Variants in WNT5A observed in about 807,000 individuals in gnomAD.
WNT5A encodes Wnt family member 5A, also known as protein Wnt-5a.
In WNT5A, 9 loss-of-function variants were observed where a neutral mutation model predicts 42.1. The ratio of observed to expected loss-of-function variants is 0.21; its 90% CI spans 0.13 to 0.37. The LOEUF (loss-of-function observed/expected upper bound fraction) is 0.37, where lower values mean the gene tolerates loss of function less well. Among genes scored for constraint, WNT5A ranks in the 10% least tolerant of loss-of-function variants. The pLI, the probability that WNT5A is intolerant of heterozygous loss-of-function variation, is 1.00. For missense variants in WNT5A, 426 were observed against 534.0 expected (o/e 0.80, Z 1.99); for synonymous variants, 210 against 210.0 (o/e 1.00, Z 0.00).
At chr3:55,474,015 C>T (rs2051300270) in intron 4 of WNT5A, among the ~76,000 whole-genome samples, 1 of 152,002 alleles carries the variant, frequency 6.6e-6, no homozygotes, top group Non-Finnish European at 1.5e-5. Flanking sequence ...CCCAGGAGGC[C>T]CTTCTGGGAT....
the WNT5A span, among the ~76,000 whole-genome samples, chr3:55,504,527 G>A: frequency 6.6e-6 from 1 of 150,826 alleles, no homozygotes; most frequent in Non-Finnish European, 1.5e-5. Flanking sequence ...TCAATGGCGC[G>A]ATATCGGCTC....
rs1485651707 is a variant in WNT5A at position 55,470,456 on chromosome 3, C to A, written c.779G>T (p.Arg260Leu). ...CTCCTTCAGGGCATCACCCACCTTG[C>A]GGAAGTCTGCCAGCTGCAGCCAGCA... ...KTCWLQLADFRKVGDALKEKY... is the reference protein window; with the variant it reads ...KTCWLQLADFLKVGDALKEKY... The change falls in exon 5 of 5, where the codon CGC (arginine) becomes CTC (leucine). Residue 260 changes from arginine to leucine, a missense_variant. Transcript: ENST00000264634. The A allele has an allele frequency of 3.7e-6, 6 of 1,610,090 alleles. No homozygotes were observed. Among genetic ancestry groups the A allele is most frequent in the Non-Finnish European group, 5.1e-6 (6 of 1,178,076 alleles).
rs148144683 is a variant in WNT5A at position 55,467,264 on chromosome 3, T to C, written c.*2828A>G. The C allele has an allele frequency of 6.5e-6, 1 of 152,704 alleles. No homozygotes were observed. Among genetic ancestry groups the C allele is most frequent in the East Asian group, 1.9e-4 (1 of 5,170 alleles). 9.5% of individuals were successfully genotyped at this position (152,704 alleles called of 1,614,324 possible). ...TGTGCCTTTTCATTCTTCTCTGGGA[T>C]GTTACAACAGCAACACGCTCTAAAA... On this transcript the variant is annotated 3_prime_UTR_variant, in exon 5 of 5. Coordinates refer to ENST00000264634, the MANE Select transcript of WNT5A (RefSeq NM_003392.7).
the WNT5A span, among the ~76,000 whole-genome samples, chr3:55,496,759 G>A: frequency 3.9e-5 from 6 of 152,100 alleles, no homozygotes; most frequent in African/African-American, 1.4e-4. Flanking sequence ...TTTGAAAATG[G>A]GATTCCATCC....
upstream of WNT5A, among the ~76,000 whole-genome samples, chr3:55,492,504 T>C (rs536538829): frequency 6.6e-6 from 1 of 152,344 alleles, no homozygotes; most frequent in South Asian, 2.1e-4. Flanking sequence ...ACTGTGATTA[T>C]TTCTGCACTG....
rs917106799 is a variant in WNT5A, at chr3:55,467,052, T to C, written c.*3040A>G. 4.5e-4 allele frequency: 68 copies of C among 152,218 alleles called. No homozygotes were observed. The highest frequency in any genetic ancestry group is 1.6e-3 in the African/African-American group (67 of 41,462). The allele number at this position is 152,218 out of a possible 1,614,324, so 9.4% of individuals were successfully genotyped here. A position where few individuals can be genotyped will look rare whatever the true frequency, so the allele number is the denominator to read the frequency against. On this transcript the variant is annotated 3_prime_UTR_variant, in exon 5 of 5. Coordinates refer to ENST00000264634, the MANE Select transcript of WNT5A (RefSeq NM_003392.7). ...AATTGCACTTAACACAATGAACCTT[T>C]AGTTTCCAACCAGTTTTCATTCTCT...
chr3:55,485,468 AC>A (rs1231081513), intron 1 of WNT5A, among the ~76,000 whole-genome samples: 1 of 151,888 alleles, frequency 6.6e-6, no homozygotes, highest in Non-Finnish European at 1.5e-5. Context: ...TACGTCCTGG[AC>A]CCGAGAACAA....
upstream of WNT5A, among the ~76,000 whole-genome samples, chr3:55,488,653 C>T (rs967158485): frequency 2.9e-4 from 44 of 152,036 alleles, no homozygotes; most frequent in African/African-American, 7.0e-4. Flanking sequence ...GTTCCCCATC[C>T]CCCGCGGCAT....
At chr3:55,488,741 G>C (rs506611), upstream of WNT5A, among the ~76,000 whole-genome samples, 33,615 of 152,032 alleles carry the variant, frequency 0.22, 4,086 homozygotes, top group African/African-American at 0.31. Flanking sequence ...CAGAGCCACC[G>C]ACCGGCGGGA....
Position 55,473,032 on chromosome 3 carries a change from A to T in WNT5A, c.684+1305T>A, listed in dbSNP as rs115707539. Among the ~76,000 whole-genome samples the T allele has an allele frequency of 1.7e-3, 254 of 152,336 alleles. 1 individual carries two copies. The highest frequency in any genetic ancestry group is 5.7e-3 in the African/African-American group (237 of 41,574). On this transcript the variant is annotated intron_variant, in intron 4 of 4. Transcript: ENST00000264634. ...TGTGGAAATGGGAAAACTGAGGCTC[A>T]GAAAAAGCAAAGAACAGACAACACT... is the stretch of plus-strand genomic sequence containing the variant.
chr3:55,487,382 G>T (rs1413518777), upstream of WNT5A: 1 of 254,638 alleles, frequency 3.9e-6, no homozygotes, highest in Non-Finnish European at 7.4e-6. Context: ...AAATGTGGGC[G>T]TGATTGTGCA....
At chr3:55,486,931 G>A (rs199843039) in intron 1 of WNT5A, 49 bp downstream of exon 1, 3 of 1,475,948 alleles carry the variant, frequency 2.0e-6, no homozygotes, top group Non-Finnish European at 1.9e-6. Context: ...CTTCCAACAG[G>A]GGGTGGGGGG....
chr3:55,479,485 C>G lies in WNT5A; in HGVS notation c.220G>C (p.Gly74Arg), dbSNP rs1218199102. 6.2e-7 allele frequency: 1 copy of G among 1,614,012 alleles called. No individual in the cohort carries two copies. The highest frequency in any genetic ancestry group is 1.1e-5 in the South Asian group (1 of 91,080). Residue 74 changes from glycine to arginine, a missense_variant, in exon 3 of 5, where the codon GGA becomes CGA. This residue lies in a region of WNT5A where 358 missense variants were observed against 468.1 expected (regional missense o/e 0.76). Transcript: ENST00000264634. ...AGTTTCTTCTGTCCTTGAGAAAGTC[C>G]TGCCAGTTGGCTGCAGAGAGGCTGT... is the stretch of plus-strand genomic sequence containing the variant. The part of the protein sequence containing the change: ...GAQPLCSQLA[G>R]LSQGQKKLCH...
chr3:55,472,095 C>T (rs1472359274), intron 4 of WNT5A, among the ~76,000 whole-genome samples: 1 of 152,112 alleles, frequency 6.6e-6, no homozygotes, highest in Non-Finnish European at 1.5e-5. Flanking sequence ...ATCCCCTAGC[C>T]CCACCATCCC....
chr3:55,487,230 G>A lies in WNT5A; in HGVS notation c.-245C>T. ...ATGGAGGGGGCGCGGACGCGCGCGA[G>A]CCGGCAGCAAGGGCAGGGCCTGGTC... On this transcript the variant is annotated 5_prime_UTR_variant, in exon 1 of 5. Transcript: ENST00000264634. 4.0e-6 allele frequency: 2 copies of A among 498,666 alleles called. No homozygotes were observed. The highest frequency in any genetic ancestry group is 3.5e-6 in the Non-Finnish European group (1 of 286,790). 30.9% of individuals were successfully genotyped at this position (498,666 alleles called of 1,614,324 possible). A position where few individuals can be genotyped will look rare whatever the true frequency, so the allele number is the denominator to read the frequency against.
intron 4 of WNT5A, 50 bp from the exon 5 acceptor site, chr3:55,470,600 T>C (rs1401011513): frequency 6.9e-7 from 1 of 1,445,842 alleles, no homozygotes; most frequent in Admixed American, 2.5e-5. Context: ...AGGAGCCAGA[T>C]GCAGGCTATA....
Position 55,467,389 on chromosome 3 carries a change from C to T in WNT5A, c.*2703G>A, listed in dbSNP as rs1306186969. On this transcript the variant is annotated 3_prime_UTR_variant, in exon 5 of 5. Coordinates refer to ENST00000264634, the MANE Select transcript of WNT5A (RefSeq NM_003392.7). ...CTTTTTTTTTTTTTTTTGTAAGGAACATATATAGGAAAAGAGAATTCCCCT... is the reference window on the plus strand; with the variant it reads ...CTTTTTTTTTTTTTTTTGTAAGGAATATATATAGGAAAAGAGAATTCCCCT... 6 of 136,272 alleles carry T rather than the reference C, an allele frequency of 4.4e-5. No homozygotes were observed. Among genetic ancestry groups the T allele is most frequent in the African/African-American group, 1.4e-4 (5 of 34,684 alleles). 8.4% of individuals were successfully genotyped at this position (136,272 alleles called of 1,614,324 possible). A position where few individuals can be genotyped will look rare whatever the true frequency, so the allele number is the denominator to read the frequency against.
chr3:55,474,369 T>C lies in WNT5A; in HGVS notation c.652A>G (p.Met218Val), dbSNP rs1232898551. Residue 218 changes from methionine (M) to valine (V), a missense_variant, in exon 4 of 5, where the codon ATG becomes GTG. Met to Val is a conservative substitution (Grantham distance 21, BLOSUM62 1). Around this residue, in one of 3 missense-constraint regions of WNT5A, gnomAD observed 358 missense variants for 468.1 expected, o/e 0.76. Transcript: ENST00000264634. ...CCGGCCTCGTTGTTGTGCAGGTTCA[T>C]GAGGATGCGAGCACTCTCGTAGGAG... ...KGSYESARILMNLHNNEAGRR... is the reference protein window; with the variant it reads ...KGSYESARILVNLHNNEAGRR... 6.2e-7 allele frequency: 1 copy of C among 1,612,996 alleles called. No homozygotes were observed. Among genetic ancestry groups the C allele is most frequent in the Admixed American group, 1.7e-5 (1 of 60,010 alleles).
At chr3:55,498,500 G>A in the WNT5A span, among the ~76,000 whole-genome samples, 1 of 152,176 alleles carries the variant, frequency 6.6e-6, no homozygotes, top group East Asian at 1.9e-4. Flanking sequence ...TAGAGGAAAA[G>A]CAGACACACT....
Sources: gnomAD v4.1 joint callset for allele counts (sites outside exome capture counted in the v4.1 genomes callset) on GRCh38, gnomAD v4.1.1 for gene constraint, gnomAD v4.1.1 regional missense constraint, MANE v1.5 for transcripts, NCBI Gene and HGNC (gene_info 2026-07-23, HGNC 2026-07-21) for gene names.